The following RBM19 variants were observed in gnomAD, a reference collection of about 807,000 sequenced individuals.
RBM19 encodes the protein probable RNA-binding protein 19.
In RBM19, 94 loss-of-function variants were observed where a neutral mutation model predicts 116.8. The ratio of observed to expected loss-of-function variants is 0.80; its 90% CI spans 0.68 to 0.95. The LOEUF (loss-of-function observed/expected upper bound fraction) is 0.95, where lower values mean the gene tolerates loss of function less well. RBM19 is among the 40% of genes least tolerant of loss of function. The pLI is 0.00. For missense variants in RBM19, 1,161 were observed against 1,220.7 expected (o/e 0.95, Z 0.73); for synonymous variants, 475 against 494.1 (o/e 0.96, Z 0.51).
At chr12:113,835,158 T>C (rs1875764694) in intron 23 of RBM19, among the ~76,000 whole-genome samples, 1 of 152,184 alleles carries the variant, frequency 6.6e-6, no homozygotes, top group Non-Finnish European at 1.5e-5. Context: ...CCCGGCTTCC[T>C]TCCTTGTGGG....
At chr12:113,851,049 C>T (rs1383939626) in intron 22 of RBM19, among the ~76,000 whole-genome samples, 2 of 152,200 alleles carry the variant, frequency 1.3e-5, no homozygotes, top group South Asian at 4.1e-4. Flanking sequence ...TCCCACTGTC[C>T]TGTGAGTAAG....
intron 10 of RBM19, among the ~76,000 whole-genome samples, 158 bp from the exon 11 acceptor site, chr12:113,947,622 G>A (rs551106353): frequency 6.6e-6 from 1 of 152,278 alleles, no homozygotes; most frequent in Non-Finnish European, 1.5e-5. Flanking sequence ...TACCTGGGCT[G>A]GAGCCCAGCA....
chr12:113,945,851 TG>T lies in RBM19; in HGVS notation c.1602del (p.Thr535ProfsTer34). On this transcript the variant is annotated frameshift_variant, in exon 13 of 24. Transcript: ENST00000261741. LOFTEE classifies it high-confidence loss of function. ...ACGTGGTCAAACACTTGACTCTTGG[TG>T]GCGTTGTACTTCTGTGCGATGGCAT... ...VADAIAQKYN[A>X]TKSQVFDHET... The T allele has an allele frequency of 6.3e-7, 1 of 1,576,914 alleles. No homozygotes were observed. The highest frequency in any genetic ancestry group is 8.7e-7 in the Non-Finnish European group (1 of 1,146,260).
intron 22 of RBM19, among the ~76,000 whole-genome samples, chr12:113,854,382 T>C (rs1224899338): frequency 5.3e-5 from 8 of 152,062 alleles, no homozygotes; most frequent in Admixed American, 5.2e-4. Flanking sequence ...GTGCACACGG[T>C]GTAGACCCAG....
chr12:113,869,237 C>T (rs10850231), intron 21 of RBM19, among the ~76,000 whole-genome samples: 17,577 of 152,170 alleles, frequency 0.12, 1,202 homozygotes, highest in Non-Finnish European at 0.16. Flanking sequence ...GCAAAAGAGG[C>T]CAGATGTGAT....
In RBM19 at chr12:113,825,139, C is replaced by T. The variant is rs944761350; in HGVS notation, c.2786-1818G>A. ...CCTGGCCTTAGCACACTGCCTGGTG[C>T]CTAGCAAGTGCTTGTGAAATATCCC... On this transcript the variant is annotated intron_variant, in intron 23 of 23. Coordinates refer to ENST00000261741, the MANE Select transcript of RBM19 (RefSeq NM_016196.4). This position sits in a 1 kb window ranked among gnomAD's most constrained non-coding sequence, Gnocchi z 5.7. 1.3e-5 allele frequency among the ~76,000 whole-genome samples: 2 copies of T among 152,214 alleles called. No individual in the cohort carries two copies. The highest frequency in any genetic ancestry group is 4.8e-5 in the African/African-American group (2 of 41,450).
At chr12:113,936,159 ATTATTAT>A (rs1484841864) in intron 16 of RBM19, among the ~76,000 whole-genome samples, 3 of 146,610 alleles carry the variant, frequency 2.0e-5, no homozygotes, top group African/African-American at 8.0e-5. Context: ...CTGAGGACTT[ATTATTAT>A]TTTTTTTAAC....
intron 10 of RBM19, among the ~76,000 whole-genome samples, chr12:113,948,498 C>T (rs1250603186): frequency 2.6e-5 from 4 of 152,142 alleles, no homozygotes; most frequent in East Asian, 1.9e-4. Context: ...ATTCCAATAC[C>T]GAGTGGCATG....
chr12:113,878,688 G>A (rs554192242), intron 21 of RBM19, among the ~76,000 whole-genome samples: 6 of 149,288 alleles, frequency 4.0e-5, no homozygotes, highest in Admixed American at 2.7e-4. Context: ...CTCAGCAAAC[G>A]TCCCATAGCA....
chr12:113,833,903 C>T (rs1875653589), intron 23 of RBM19, among the ~76,000 whole-genome samples: 1 of 152,074 alleles, frequency 6.6e-6, no homozygotes, highest in South Asian at 2.1e-4. Context: ...GCCACCATGC[C>T]TGGCTAATTT....
rs535700284 is a variant in RBM19, at chr12:113,903,108, C to T, written c.2558+11861G>A. On this transcript the variant is annotated intron_variant, in intron 21 of 23. Coordinates refer to ENST00000261741, the MANE Select transcript of RBM19 (RefSeq NM_016196.4). This position sits in a 1 kb window ranked among gnomAD's most constrained non-coding sequence, Gnocchi z 5.1. ...ACTGTGAATCTACTTTCAGTCTCTA[C>T]GGATGTGCCTAGTCATCCCTCGGTA... is the stretch of plus-strand genomic sequence containing the variant. Among the ~76,000 whole-genome samples, 3 of 152,302 alleles carry T rather than the reference C, an allele frequency of 2.0e-5. No homozygotes were observed. The highest frequency in any genetic ancestry group is 1.3e-4 in the Admixed American group (2 of 15,300).
chr12:113,839,998 C>A (rs1168578535), intron 23 of RBM19, among the ~76,000 whole-genome samples: 4 of 152,290 alleles, frequency 2.6e-5, no homozygotes, highest in African/African-American at 9.6e-5. Context: ...CACGCAGACA[C>A]AAACGCAATT....
rs61360948 is a variant in RBM19, at chr12:113,918,362, G to C, written c.2441+30C>G. ...CAAGCACAGGAAGCCCCAGCTCGTA[G>C]GAAAGGAAATGAGGACACTGAAGAC... On this transcript the variant is annotated intron_variant, in intron 20 of 23. Coordinates refer to ENST00000261741, the MANE Select transcript of RBM19 (RefSeq NM_016196.4). 22,878 of 1,613,326 alleles carry C rather than the reference G, an allele frequency of 0.014. 2,561 individuals are homozygous for C. The African/African-American group carries it at 0.25, about 18-fold the overall frequency.
At chr12:113,867,582 T>A (rs74237687) in intron 21 of RBM19, among the ~76,000 whole-genome samples, 1 of 152,202 alleles carries the variant, frequency 6.6e-6, no homozygotes, top group Non-Finnish European at 1.5e-5. Flanking sequence ...ATAATATGCA[T>A]ATGTACTGCT....
chr12:113,939,947 C>T lies in RBM19; in HGVS notation c.1938+13G>A, dbSNP rs1202576134. The T allele has an allele frequency of 1.2e-6, 2 of 1,612,906 alleles. No individual in the cohort carries two copies. The highest frequency in any genetic ancestry group is 2.2e-5 in the East Asian group (1 of 44,838). On this transcript the variant is annotated intron_variant, in intron 15 of 23. Transcript: ENST00000261741. ...CCTTCTCCAGATCAATTCTGGGTCT[C>T]CAGCAGCCCTACCTTGGAATAGGCC... is the stretch of plus-strand genomic sequence containing the variant.
intron 21 of RBM19, among the ~76,000 whole-genome samples, chr12:113,883,386 G>A (rs564865675): frequency 1.3e-5 from 2 of 152,352 alleles, no homozygotes; most frequent in South Asian, 4.1e-4. Flanking sequence ...GGTGTCTGCT[G>A]GAATTAACTG....
At chr12:113,957,394 GA>G (rs1872037384) in intron 6 of RBM19, among the ~76,000 whole-genome samples, 1 of 151,994 alleles carries the variant, frequency 6.6e-6, no homozygotes, top group Non-Finnish European at 1.5e-5. Context: ...TGGCTAACAT[GA>G]CAAAACCCCA....
At chr12:113,824,215 G>A (rs1368322527) in intron 23 of RBM19, among the ~76,000 whole-genome samples, 1 of 152,188 alleles carries the variant, frequency 6.6e-6, no homozygotes, top group Admixed American at 6.5e-5. Context: ...ACGGAACTGA[G>A]GCACGGACAG....
chr12:113,931,711 G>T (rs557607332), intron 16 of RBM19, among the ~76,000 whole-genome samples: 1 of 152,268 alleles, frequency 6.6e-6, no homozygotes, highest in East Asian at 1.9e-4. Context: ...CAGGGCCTTT[G>T]CACCTGCTGG....
Sources: gnomAD v4.1 joint callset for allele counts (sites outside exome capture counted in the v4.1 genomes callset) on GRCh38, gnomAD v4.1.1 for gene constraint, Gnocchi (gnomAD v3.1) non-coding constraint, MANE v1.5 for transcripts, NCBI Gene and HGNC (gene_info 2026-07-23, HGNC 2026-07-21) for gene names.